Variants in BID observed in about 807,000 individuals in gnomAD.
BID encodes BH3 interacting domain death agonist.
Under a neutral mutation model 17.4 loss-of-function variants are expected in BID, and 19 were observed. The ratio of observed to expected loss-of-function variants is 1.09; its 90% CI spans 0.76 to 1.60. BID has a LOEUF of 1.60. Among genes scored for constraint, BID ranks in the 40% most tolerant of loss-of-function variants. BID has a pLI of 0.00. For synonymous variants in BID, 108 were observed against 102.8 expected (o/e 1.05, Z -0.31); for missense variants, 226 against 256.0 (o/e 0.88, Z 0.80).
chr22:17,750,777 G>T (rs1028530232), intron 1 of BID, among the ~76,000 whole-genome samples: 3 of 152,136 alleles, frequency 2.0e-5, no homozygotes, highest in Non-Finnish European at 4.4e-5. Context: ...GCAGTAAGCC[G>T]AGATCACGCC....
intron 2 of BID, among the ~76,000 whole-genome samples, chr22:17,747,849 G>T (rs1014182496): frequency 6.6e-6 from 1 of 151,080 alleles, no homozygotes; most frequent in Non-Finnish European, 1.5e-5. Flanking sequence ...AAGCCGAGGC[G>T]GGCGGATCAT....
Position 17,758,054 on chromosome 22 carries a change from C to T in BID, c.-58-7880G>A, listed in dbSNP as rs532104876. Among the ~76,000 whole-genome samples the T allele has an allele frequency of 9.8e-5, 15 of 152,300 alleles. No individual in the cohort carries two copies. In the East Asian group the frequency reaches 1.7e-3, roughly 18 times the overall value. ...CCGGATGGTTGCTAGTGACAGCACC[C>T]GGCTCCACAAGCTGGCCTGTGGCCT... On this transcript the variant is annotated intron_variant, in intron 1 of 5. Transcript: ENST00000622694.
intron 1 of BID, among the ~76,000 whole-genome samples, chr22:17,753,266 C>T (rs1159675412): frequency 6.6e-6 from 1 of 152,098 alleles, no homozygotes; most frequent in Non-Finnish European, 1.5e-5. Context: ...GCGCCCAGCC[C>T]CCCAATGGGA....
chr22:17,736,326 G>C (rs1198655931), intron 5 of BID, among the ~76,000 whole-genome samples: 1 of 152,022 alleles, frequency 6.6e-6, no homozygotes, highest in Admixed American at 6.5e-5. Context: ...TCATGGTGGT[G>C]TGTGCCTGTA....
At position 17,738,008 on chromosome 22, in the gene BID, G is replaced by T; in HGVS notation, c.576+9C>A. 6.2e-7 allele frequency: 1 copy of T among 1,613,758 alleles called. No individual in the cohort carries two copies. Among genetic ancestry groups the T allele is most frequent in the South Asian group, 1.1e-5 (1 of 91,068 alleles). ...AGGCAGGGAAGGAGCTGACCTCAAG[G>T]GTTCTTACATTTCTGGCTAAGCTCC... On this transcript the variant is annotated intron_variant, in intron 5 of 5. Transcript: ENST00000622694.
At chr22:17,766,421 A>T (rs2061679013) in intron 1 of BID, among the ~76,000 whole-genome samples, 1 of 151,094 alleles carries the variant, frequency 6.6e-6, no homozygotes, top group Admixed American at 6.6e-5. Context: ...AGCTGGAATT[A>T]CAGGCATGCA....
At chr22:17,756,744 T>G (rs1167460789) in intron 1 of BID, among the ~76,000 whole-genome samples, 1 of 151,732 alleles carries the variant, frequency 6.6e-6, no homozygotes, top group Non-Finnish European at 1.5e-5. Context: ...CCCAGCTAAT[T>G]TTTGTATTTT....
chr22:17,760,385 G>A (rs1248959477), intron 1 of BID, among the ~76,000 whole-genome samples: 1 of 149,190 alleles, frequency 6.7e-6, no homozygotes, highest in Non-Finnish European at 1.5e-5. Flanking sequence ...CCAGGAGGCG[G>A]GGGTTGCAGT....
chr22:17,737,705 A>G (rs937713620), intron 5 of BID, among the ~76,000 whole-genome samples: 85 of 152,196 alleles, frequency 5.6e-4, no homozygotes, highest in African/African-American at 1.9e-3. Context: ...TGAGCCCTCC[A>G]GCCCCTTCCT....
chr22:17,764,211 C>G (rs1444861936), intron 1 of BID: 1 of 154,636 alleles, frequency 6.5e-6, no homozygotes, highest in Admixed American at 6.5e-5. Flanking sequence ...CAGGACTCCA[C>G]AGAACCGTCT....
At chr22:17,770,559 C>T (rs2061711797) in intron 1 of BID, among the ~76,000 whole-genome samples, 2 of 152,222 alleles carry the variant, frequency 1.3e-5, no homozygotes, top group Non-Finnish European at 2.9e-5. Context: ...CATTCAGTTA[C>T]ACAAATTAAA....
intron 2 of BID, among the ~76,000 whole-genome samples, 163 bp downstream of exon 2, chr22:17,749,942 C>T (rs1197152002): frequency 6.6e-6 from 1 of 152,266 alleles, no homozygotes; most frequent in East Asian, 1.9e-4. Context: ...CGGCTCCCGC[C>T]TGCTTCAGTG....
At chr22:17,736,451 C>A (rs1341426918) in intron 5 of BID, among the ~76,000 whole-genome samples, 1 of 71,618 alleles carries the variant, frequency 1.4e-5, no homozygotes, top group Non-Finnish European at 2.7e-5. Flanking sequence ...GAGCAAAATT[C>A]TGTCTCAAAA....
chr22:17,768,932 C>T (rs1392518757), intron 1 of BID, among the ~76,000 whole-genome samples: 2 of 150,206 alleles, frequency 1.3e-5, no homozygotes, highest in East Asian at 1.9e-4. Context: ...GTCCCAGCTA[C>T]TCAGGAGGCT....
intron 1 of BID, among the ~76,000 whole-genome samples, chr22:17,767,223 C>CAAAAA (rs36077043): frequency 6.9e-6 from 1 of 145,744 alleles, no homozygotes; most frequent in African/African-American, 2.5e-5. Flanking sequence ...GATTCCATCT[C>CAAAAA]AAAAAAAAAA....
chr22:17,758,914 A>T (rs1248518141), intron 1 of BID, among the ~76,000 whole-genome samples: 3 of 22,816 alleles, frequency 1.3e-4, no homozygotes, highest in Non-Finnish European at 2.0e-4. Flanking sequence ...CTATTTTACC[A>T]CGATAAAAAA....
intron 1 of BID, among the ~76,000 whole-genome samples, chr22:17,757,074 C>T (rs961715843): frequency 6.6e-6 from 1 of 152,100 alleles, no homozygotes; most frequent in Non-Finnish European, 1.5e-5. Context: ...CCCTTGAACA[C>T]CATCAACAAT....
intron 4 of BID, among the ~76,000 whole-genome samples, 183 bp downstream of exon 4, chr22:17,739,166 A>G (rs1237915895): frequency 2.2e-5 from 2 of 92,160 alleles, no homozygotes; most frequent in Admixed American, 2.6e-4. Context: ...CTCGATGTCA[A>G]CCAGCTGAAA....
At chr22:17,772,038 G>C (rs192725517) in intron 1 of BID, among the ~76,000 whole-genome samples, 1 of 152,174 alleles carries the variant, frequency 6.6e-6, no homozygotes, top group Non-Finnish European at 1.5e-5. Context: ...AACTCCCTCG[G>C]GTGTGACCTT....
Sources: allele counts gnomAD v4.1 joint callset (sites outside exome capture counted in the v4.1 genomes callset), GRCh38; gene constraint gnomAD v4.1.1; transcripts MANE v1.5; gene names NCBI Gene and HGNC (gene_info 2026-07-23, HGNC 2026-07-21).